The following POLR2D variants were observed in gnomAD, a reference collection of about 807,000 sequenced individuals.
POLR2D encodes RNA polymerase II subunit D.
POLR2D carries 10 observed loss-of-function variants against 17.6 expected under a neutral mutation model. The observed-to-expected ratio is 0.57, with a 90% CI of 0.35 to 0.96. POLR2D has a LOEUF of 0.96. POLR2D is among the 40% of genes least tolerant of loss of function. The pLI is 0.02. For synonymous variants in POLR2D, 52 were observed against 60.2 expected, an observed-to-expected ratio of 0.86 and a Z score of 0.63; for missense variants, 126 against 176.4, an observed-to-expected ratio of 0.71 and a Z score of 1.62.
At chr2:127,857,811 A>G (rs1368005707) in intron 1 of POLR2D, 3 of 1,313,728 alleles carry the variant, frequency 2.3e-6, no homozygotes, top group Non-Finnish European at 2.9e-6. Context: ...GGTCCCCGGA[A>G]CTTCGCAGTT....
chr2:127,857,679 T>C, intron 1 of POLR2D: 9 of 437,942 alleles, frequency 2.1e-5, no homozygotes, highest in Non-Finnish European at 2.9e-5. Flanking sequence ...GCCCAGAGGT[T>C]CTGTACTAAT....
In POLR2D at chr2:127,844,107, C is replaced by CAGAAAAAAA. The variant is rs1690111331; in HGVS notation, c.*3999_*4000insTTTTTTTCT. The CAGAAAAAAA allele has an allele frequency of 1.4e-5, 1 of 69,478 alleles. No homozygotes were observed. The highest frequency in any genetic ancestry group is 6.4e-5 in the African/African-American group (1 of 15,640). 4.3% of individuals were successfully genotyped at this position (69,478 alleles called of 1,614,324 possible). A position where few individuals can be genotyped will look rare whatever the true frequency, so the allele number is the denominator to read the frequency against. On this transcript the variant is annotated 3_prime_UTR_variant, in exon 4 of 4. Coordinates refer to ENST00000272645, the MANE Select transcript of POLR2D (RefSeq NM_004805.4). ...CGACAGAGCAAGATCCTGCTGTATC[C>CAGAAAAAAA]AAAAAAAAAAAAAAAAAAAGCCTGG...
chr2:127,849,529 T>C (rs952820782), intron 3 of POLR2D, among the ~76,000 whole-genome samples: 2 of 152,238 alleles, frequency 1.3e-5, no homozygotes, highest in Non-Finnish European at 2.9e-5. Context: ...GTAAATAATA[T>C]GCAGCATAGT....
chr2:127,857,727 A>T, intron 1 of POLR2D: 2 of 923,480 alleles, frequency 2.2e-6, no homozygotes, highest in Non-Finnish European at 2.7e-6. Flanking sequence ...TCTTTTCCCT[A>T]GTGCAACAGT....
intron 3 of POLR2D, 33 bp from the exon 4 acceptor site, chr2:127,848,218 G>A: frequency 1.4e-6 from 2 of 1,456,748 alleles, no homozygotes; most frequent in South Asian, 2.4e-5. Flanking sequence ...GAGTGATTTG[G>A]CGACTGGCAA....
chr2:127,851,738 T>C (rs1035712897), intron 2 of POLR2D, among the ~76,000 whole-genome samples: 1 of 152,106 alleles, frequency 6.6e-6, no homozygotes, highest in Admixed American at 6.5e-5. Flanking sequence ...AATACTATTA[T>C]CTATCTATCT....
chr2:127,855,017 A>AAAG (rs1390858044), intron 1 of POLR2D, among the ~76,000 whole-genome samples: 1 of 151,898 alleles, frequency 6.6e-6, no homozygotes, highest in Non-Finnish European at 1.5e-5. Flanking sequence ...AAAAAAAAAA[A>AAAG]AAAAGGGAAG....
At position 127,852,436 on chromosome 2, in the gene POLR2D, G is replaced by A. The variant is rs535788864; in HGVS notation, c.254+489C>T. Reference sequence around the variant, plus strand: ...TTCTGTATTTTTTTTGTAGGGACACGAGTTTCACCATGTTGCACATGCTGG... The same window carrying A: ...TTCTGTATTTTTTTTGTAGGGACACAAGTTTCACCATGTTGCACATGCTGG... On this transcript the variant is annotated intron_variant, in intron 2 of 3. Transcript: ENST00000272645. The surrounding 1 kb of genome is among the most constrained non-coding windows in gnomAD (Gnocchi z 4.0). Among the ~76,000 whole-genome samples the A allele has an allele frequency of 6.6e-6, 1 of 151,860 alleles. No individual in the cohort carries two copies. The highest frequency in any genetic ancestry group is 2.4e-5 in the African/African-American group (1 of 41,308).
chr2:127,850,698 A>T lies in POLR2D; in HGVS notation c.255-13T>A. The stretch of plus-strand genomic sequence containing the variant: ...CTGGAGTAGCAAGCTAATCAAAAGG[A>T]AAAAAAAAAAATCAAAATAATCAAA... On this transcript the variant is annotated splice_polypyrimidine_tract_variant and intron_variant, in intron 2 of 3. Transcript: ENST00000272645. The T allele has an allele frequency of 6.7e-6, 1 of 150,370 alleles. No homozygotes were observed. The highest frequency in any genetic ancestry group is 9.3e-6 in the Non-Finnish European group (1 of 108,004). The allele number at this position is 150,370 out of a possible 1,614,324, so 9.3% of individuals were successfully genotyped here. A position where few individuals can be genotyped will look rare whatever the true frequency, so the allele number is the denominator to read the frequency against.
At chr2:127,856,449 G>A (rs553776403) in intron 1 of POLR2D, among the ~76,000 whole-genome samples, 32 of 151,546 alleles carry the variant, frequency 2.1e-4, no homozygotes, top group African/African-American at 7.7e-4. Context: ...AATTAGCTGG[G>A]CATGGTGGCA....
chr2:127,858,139 A>G lies in POLR2D; in HGVS notation c.-39T>C. 7.1e-7 allele frequency: 1 copy of G among 1,402,430 alleles called. No homozygotes were observed. The highest frequency in any genetic ancestry group is 9.3e-7 in the Non-Finnish European group (1 of 1,072,974). 86.9% of individuals were successfully genotyped at this position (1,402,430 alleles called of 1,614,324 possible). On this transcript the variant is annotated 5_prime_UTR_variant, in exon 1 of 4. Coordinates refer to ENST00000272645, the MANE Select transcript of POLR2D (RefSeq NM_004805.4). The stretch of plus-strand genomic sequence containing the variant: ...CGCGCGCCACCACCAGCGCCGCCGG[A>G]AGCAGAAGCGCGGAGCAACGGCCGC...
intron 3 of POLR2D, among the ~76,000 whole-genome samples, 155 bp from the exon 4 acceptor site, chr2:127,848,340 T>A (rs1206631595): frequency 3.3e-5 from 5 of 152,210 alleles, no homozygotes; most frequent in African/African-American, 1.2e-4. Context: ...TACAAAATAT[T>A]TCAAACATAT....
intron 1 of POLR2D, among the ~76,000 whole-genome samples, chr2:127,853,354 T>G (rs534991290): frequency 6.6e-6 from 1 of 152,186 alleles, no homozygotes; most frequent in Non-Finnish European, 1.5e-5. Flanking sequence ...AGCATAGTAC[T>G]GATACATAGT....
chr2:127,853,706 C>T lies in POLR2D; in HGVS notation c.74-601G>A, dbSNP rs541609328. 7.0e-4 allele frequency among the ~76,000 whole-genome samples: 106 copies of T among 152,242 alleles called. 1 individual carries two copies. The highest frequency in any genetic ancestry group is 1.3e-3 in the Non-Finnish European group (89 of 68,018). ...CCCAGGTAGCTGGACTGCAGGCACA[C>T]GCCACCACACCCTGTGTGTTGTTGG... On this transcript the variant is annotated intron_variant, in intron 1 of 3. Transcript: ENST00000272645.
At chr2:127,853,395 T>G (rs1324030206) in intron 1 of POLR2D, among the ~76,000 whole-genome samples, 2 of 152,152 alleles carry the variant, frequency 1.3e-5, no homozygotes, top group Non-Finnish European at 2.9e-5. Flanking sequence ...CCCCCTCAAC[T>G]AGGCCTCAGT....
At chr2:127,849,463 A>T (rs904253674) in intron 3 of POLR2D, among the ~76,000 whole-genome samples, 2 of 151,472 alleles carry the variant, frequency 1.3e-5, no homozygotes, top group African/African-American at 4.9e-5. Context: ...CCATACATTT[A>T]AAAAAAATTT....
intron 1 of POLR2D, chr2:127,857,673 A>C: frequency 1.0e-5 from 4 of 393,084 alleles, no homozygotes; most frequent in Non-Finnish European, 1.4e-5. Context: ...TAAAACGCCC[A>C]GAGGTTCTGT....
intron 2 of POLR2D, 133 bp from the exon 3 acceptor site, chr2:127,850,818 G>A: frequency 1.7e-6 from 1 of 597,010 alleles, no homozygotes; most frequent in Non-Finnish European, 3.0e-6. Context: ...CAGGTGTAGT[G>A]GCTCACACCT....
intron 3 of POLR2D, among the ~76,000 whole-genome samples, chr2:127,849,191 C>T (rs1275866862): frequency 7.2e-5 from 11 of 151,910 alleles, no homozygotes. Flanking sequence ...ACTACAGTCG[C>T]ACACCACCAC....
Sources: allele counts gnomAD v4.1 joint callset (sites outside exome capture counted in the v4.1 genomes callset), GRCh38; gene constraint gnomAD v4.1.1; non-coding constraint Gnocchi (gnomAD v3.1); transcripts MANE v1.5; gene names NCBI Gene and HGNC (gene_info 2026-07-23, HGNC 2026-07-21).